Variants in PIGK observed in about 807,000 individuals in gnomAD.
PIGK encodes GPI-anchor transamidase.
Under a neutral mutation model 50.6 loss-of-function variants are expected in PIGK, and 42 were observed. The ratio of observed to expected loss-of-function variants is 0.83; its 90% CI spans 0.65 to 1.07. The LOEUF is 1.07. Ranked by LOEUF, PIGK falls within the 50% of genes least tolerant of loss-of-function variation. The pLI is 0.00. For synonymous variants in PIGK, 151 were observed against 156.0 expected, an observed-to-expected ratio of 0.97 and a Z score of 0.24; for missense variants, 448 against 488.7, an observed-to-expected ratio of 0.92 and a Z score of 0.78.
At chr1:77,145,729 C>T (rs1259314575) in intron 9 of PIGK, among the ~76,000 whole-genome samples, 1 of 151,274 alleles carries the variant, frequency 6.6e-6, no homozygotes, top group Non-Finnish European at 1.5e-5. Context: ...ATGCAAAGAA[C>T]CTAGAACACT....
At chr1:77,185,048 A>G (rs1655707753) in intron 3 of PIGK, among the ~76,000 whole-genome samples, 3 of 152,170 alleles carry the variant, frequency 2.0e-5, no homozygotes, top group Admixed American at 6.5e-5. Flanking sequence ...GGCGACTCCA[A>G]TTACAGCTGC....
intron 10 of PIGK, among the ~76,000 whole-genome samples, chr1:77,120,723 T>A (rs1009686212): frequency 6.6e-6 from 1 of 152,214 alleles, no homozygotes; most frequent in African/African-American, 2.4e-5. Context: ...GAGAACAGAA[T>A]TCATTTTATT....
At chr1:77,116,121 C>A (rs1050720378) in intron 10 of PIGK, among the ~76,000 whole-genome samples, 1 of 151,988 alleles carries the variant, frequency 6.6e-6, no homozygotes, top group Non-Finnish European at 1.5e-5. Context: ...AGTGGAGGGA[C>A]CTAAATTCAT....
At chr1:77,145,014 C>T (rs1208929184) in intron 9 of PIGK, among the ~76,000 whole-genome samples, 4 of 151,738 alleles carry the variant, frequency 2.6e-5, no homozygotes, top group African/African-American at 4.8e-5. Context: ...TAGGAGAAAT[C>T]CTGTCAACTG....
intron 9 of PIGK, among the ~76,000 whole-genome samples, chr1:77,146,166 C>A (rs1222678937): frequency 1.3e-5 from 2 of 151,894 alleles, no homozygotes; most frequent in African/African-American, 4.8e-5. Context: ...TTAACCCCTA[C>A]CTCACACAAT....
intron 3 of PIGK, among the ~76,000 whole-genome samples, chr1:77,174,522 AG>A (rs1557814243): frequency 1.3e-5 from 2 of 152,320 alleles, no homozygotes; most frequent in East Asian, 3.9e-4. Flanking sequence ...ATCACAAGAC[AG>A]CTTTGGTGTG....
chr1:77,111,156 G>C (rs1653831229), intron 10 of PIGK, among the ~76,000 whole-genome samples: 1 of 152,184 alleles, frequency 6.6e-6, no homozygotes, highest in South Asian at 2.1e-4. Flanking sequence ...TACACTGTTG[G>C]TGGTACTGTA....
chr1:77,194,624 C>G lies in PIGK; in HGVS notation c.239+12016G>C, dbSNP rs1020691527. ...ACACAAAGAGGGAAACAACAGACAC[C>G]AGAACCTATTTGTGGGTGGAGGGTG... On this transcript the variant is annotated intron_variant, in intron 3 of 10. Coordinates refer to ENST00000370812, the MANE Select transcript of PIGK (RefSeq NM_005482.3). 2.4e-5 allele frequency among the ~76,000 whole-genome samples: 3 copies of G among 124,312 alleles called. No homozygotes were observed. In the Admixed American group the frequency reaches 2.9e-4, roughly 12 times the overall value. 81.6% of individuals were successfully genotyped at this position (124,312 alleles called of 152,430 possible).
chr1:77,167,168 C>T (rs1223130782), intron 4 of PIGK, among the ~76,000 whole-genome samples: 1 of 151,936 alleles, frequency 6.6e-6, no homozygotes, highest in African/African-American at 2.4e-5. Flanking sequence ...TAGTGAGACC[C>T]CATTTCTATG....
chr1:77,215,876 C>T (rs560005956), intron 1 of PIGK, among the ~76,000 whole-genome samples: 2 of 152,002 alleles, frequency 1.3e-5, no homozygotes, highest in South Asian at 2.1e-4. Context: ...CACCCAGATA[C>T]GGACATTTTT....
At chr1:77,183,426 A>G (rs935749068) in intron 3 of PIGK, among the ~76,000 whole-genome samples, 1 of 152,102 alleles carries the variant, frequency 6.6e-6, no homozygotes, top group Non-Finnish European at 1.5e-5. Context: ...TAGGCAAAAT[A>G]ATGTTGATTC....
chr1:77,125,175 T>C (rs1293215539), intron 9 of PIGK, among the ~76,000 whole-genome samples: 1 of 152,226 alleles, frequency 6.6e-6, no homozygotes, highest in African/African-American at 2.4e-5. Flanking sequence ...ACAAAAATAT[T>C]TGAAATCTGG....
intron 3 of PIGK, among the ~76,000 whole-genome samples, chr1:77,202,067 T>A (rs1779187): frequency 0.17 from 25,060 of 149,744 alleles, 3,506 homozygotes; most frequent in African/African-American, 0.39. Flanking sequence ...AAAAAAAAAA[T>A]ACCTGACTAA....
intron 9 of PIGK, among the ~76,000 whole-genome samples, chr1:77,134,178 C>T (rs957232262): frequency 6.6e-6 from 1 of 152,124 alleles, no homozygotes; most frequent in Non-Finnish European, 1.5e-5. Flanking sequence ...TTGCTGCACC[C>T]GGAAAAAGCA....
At chr1:77,197,839 A>G (rs1656072521) in intron 3 of PIGK, among the ~76,000 whole-genome samples, 1 of 152,180 alleles carries the variant, frequency 6.6e-6, no homozygotes, top group African/African-American at 2.4e-5. Flanking sequence ...TGAATTTTAA[A>G]CTAGTTTATA....
At chr1:77,216,020 G>C (rs939727483) in intron 1 of PIGK, among the ~76,000 whole-genome samples, 3 of 151,972 alleles carry the variant, frequency 2.0e-5, no homozygotes, top group African/African-American at 7.3e-5. Context: ...GCCTTCTATA[G>C]CACTTTAGAG....
intron 1 of PIGK, among the ~76,000 whole-genome samples, chr1:77,218,202 C>G (rs1397469854): frequency 6.6e-6 from 1 of 152,128 alleles, no homozygotes; most frequent in Non-Finnish European, 1.5e-5. Flanking sequence ...CAGGTCATAA[C>G]GTTTAGACTT....
intron 3 of PIGK, among the ~76,000 whole-genome samples, chr1:77,172,637 AG>A (rs1438921861): frequency 6.6e-6 from 1 of 152,138 alleles, no homozygotes; most frequent in Non-Finnish European, 1.5e-5. Context: ...AAAAATTCGC[AG>A]GGGCCAGGGG....
intron 9 of PIGK, among the ~76,000 whole-genome samples, chr1:77,125,060 C>T (rs1268409031): frequency 1.3e-5 from 2 of 152,100 alleles, no homozygotes; most frequent in Non-Finnish European, 2.9e-5. Context: ...AGAAATATGA[C>T]AAAGTCACTC....
Sources: allele counts gnomAD v4.1 joint callset (sites outside exome capture counted in the v4.1 genomes callset), GRCh38; gene constraint gnomAD v4.1.1; transcripts MANE v1.5; gene names NCBI Gene and HGNC (gene_info 2026-07-23, HGNC 2026-07-21).